EPHA5: variants seen among roughly 807,000 people sequenced by gnomAD.
EPHA5 encodes ephrin type-A receptor 5.
In EPHA5, 60 loss-of-function variants were observed where a neutral mutation model predicts 105.0. The observed-to-expected ratio is 0.57, with a 90% CI of 0.46 to 0.71. The LOEUF (loss-of-function observed/expected upper bound fraction) is 0.71. Ranked by LOEUF, EPHA5 falls within the 30% of genes least tolerant of loss-of-function variation. The pLI is 0.00. For missense variants in EPHA5, 1,218 were observed against 1,274.7 expected, an observed-to-expected ratio of 0.96 and a Z score of 0.68; for synonymous variants, 513 against 449.1, an observed-to-expected ratio of 1.14 and a Z score of -1.80.
intron 5 of EPHA5, among the ~76,000 whole-genome samples, chr4:65,463,566 T>C (rs1302794360): frequency 6.6e-6 from 1 of 152,114 alleles, no homozygotes; most frequent in East Asian, 1.9e-4. Context: ...TGAAGATCAC[T>C]AAATAGGGAT....
intron 1 of EPHA5, among the ~76,000 whole-genome samples, chr4:65,665,879 G>T (rs1749924735): frequency 6.6e-6 from 1 of 152,136 alleles, no homozygotes; most frequent in Admixed American, 6.5e-5. Flanking sequence ...TCAAATAGGG[G>T]TAATAGCTCT....
Position 65,594,181 on chromosome 4 carries a change from G to A in EPHA5, c.910+7460C>T, listed in dbSNP as rs192708498. On this transcript the variant is annotated intron_variant, in intron 3 of 16. Transcript: ENST00000613740. ...TTAAATATATAAAGCTTTTTGTGAG[G>A]TCTTTATAATTAAAATCTTCTCCTG... Among the ~76,000 whole-genome samples the A allele has an allele frequency of 2.5e-3, 383 of 152,042 alleles. 2 individuals carry two copies. Among genetic ancestry groups the A allele is most frequent in the African/African-American group, 8.8e-3 (366 of 41,486 alleles).
At chr4:65,431,671 A>G (rs192787744) in intron 5 of EPHA5, among the ~76,000 whole-genome samples, 1 of 152,302 alleles carries the variant, frequency 6.6e-6, no homozygotes, top group East Asian at 1.9e-4. Flanking sequence ...ATCGCAATCA[A>G]CAATTCCACG....
chr4:65,417,939 A>G (rs1442151014), intron 6 of EPHA5, among the ~76,000 whole-genome samples: 3 of 152,124 alleles, frequency 2.0e-5, no homozygotes, highest in Admixed American at 2.0e-4. Context: ...GTTATTCATA[A>G]GGGGAAAAAA....
intron 14 of EPHA5, among the ~76,000 whole-genome samples, chr4:65,345,435 T>A (rs1722120312): frequency 6.6e-6 from 1 of 152,218 alleles, no homozygotes; most frequent in Non-Finnish European, 1.5e-5. Flanking sequence ...TGGGGAAATT[T>A]GAAGAAGGCT....
intron 3 of EPHA5, among the ~76,000 whole-genome samples, chr4:65,591,604 A>ACT (rs1560743451): frequency 3.4e-5 from 5 of 145,680 alleles, no homozygotes; most frequent in African/African-American, 1.3e-4. Context: ...TTTTAATTTT[A>ACT]TTTTTTTTAA....
In EPHA5 at chr4:65,388,335, T is replaced by A. The variant is rs1720340499; in HGVS notation, c.1793+16039A>T. Among the ~76,000 whole-genome samples the A allele has an allele frequency of 2.6e-5, 4 of 152,024 alleles. No homozygotes were observed. In the South Asian group the frequency reaches 8.3e-4, roughly 32 times the overall value. On this transcript the variant is annotated intron_variant, in intron 8 of 16. Coordinates refer to ENST00000613740, the MANE Select transcript of EPHA5 (RefSeq NM_001281766.3). ...TATAATCCTTTGGGTATATACCCAG[T>A]AATGGGATGGCTGGGTCAAATGGTA...
At chr4:65,417,420 G>A (rs1444636700) in intron 6 of EPHA5, among the ~76,000 whole-genome samples, 1 of 152,038 alleles carries the variant, frequency 6.6e-6, no homozygotes, top group East Asian at 1.9e-4. Flanking sequence ...ATCTTTATAG[G>A]TATAATGTAG....
intron 2 of EPHA5, among the ~76,000 whole-genome samples, chr4:65,604,875 T>A (rs1744074776): frequency 6.6e-6 from 1 of 152,198 alleles, no homozygotes; most frequent in East Asian, 1.9e-4. Flanking sequence ...GAATCAATAT[T>A]TTCTGTTCAT....
chr4:65,562,631 G>T (rs563527289), intron 3 of EPHA5, among the ~76,000 whole-genome samples: 1 of 151,968 alleles, frequency 6.6e-6, no homozygotes, highest in African/African-American at 2.4e-5. Flanking sequence ...CAGAGAAGAC[G>T]CATACCAAGA....
At chr4:65,495,225 T>C (rs1731804121) in intron 4 of EPHA5, among the ~76,000 whole-genome samples, 163 bp downstream of exon 4, 1 of 152,180 alleles carries the variant, frequency 6.6e-6, no homozygotes, top group South Asian at 2.1e-4. Context: ...AATTTTTCAG[T>C]GCTTATTCAA....
At chr4:65,527,452 A>G (rs543745933) in intron 3 of EPHA5, among the ~76,000 whole-genome samples, 1 of 152,188 alleles carries the variant, frequency 6.6e-6, no homozygotes, top group Admixed American at 6.5e-5. Context: ...TGGAGTACAA[A>G]AAGTCATAAC....
chr4:65,408,220 G>C (rs1290028205), intron 7 of EPHA5, among the ~76,000 whole-genome samples: 2 of 152,000 alleles, frequency 1.3e-5, no homozygotes, highest in Non-Finnish European at 2.9e-5. Context: ...TTGTTGGTTT[G>C]TTTAGGAGTG....
chr4:65,418,862 C>CTTTTTTTTTTTTT lies in EPHA5; in HGVS notation c.1527+1566_1527+1578dup, dbSNP rs575608289. ...AACATTCAATACACTTACCTAAACT[C>CTTTTTTTTTTTTT]TTTTTTTTTTTTTTTTTTTTTTTTT... On this transcript the variant is annotated intron_variant, in intron 6 of 16. Coordinates refer to ENST00000613740, the MANE Select transcript of EPHA5 (RefSeq NM_001281766.3). 1.3e-3 allele frequency among the ~76,000 whole-genome samples: 60 copies of CTTTTTTTTTTTTT among 47,080 alleles called. 7 individuals carry two copies. The highest frequency in any genetic ancestry group is 2.3e-3 in the African/African-American group (21 of 9,092). The allele number at this position is 47,080 out of a possible 152,430, so 30.9% of individuals were successfully genotyped here. A position where few individuals can be genotyped will look rare whatever the true frequency, so the allele number is the denominator to read the frequency against.
At chr4:65,583,868 A>G (rs973141600) in intron 3 of EPHA5, among the ~76,000 whole-genome samples, 1 of 151,704 alleles carries the variant, frequency 6.6e-6, no homozygotes, top group African/African-American at 2.4e-5. Context: ...AGGTATATAT[A>G]TTCTTATTTG....
intron 2 of EPHA5, among the ~76,000 whole-genome samples, chr4:65,622,035 A>G (rs185144166): frequency 6.6e-6 from 1 of 152,274 alleles, no homozygotes; most frequent in Admixed American, 6.5e-5. Context: ...TTTAAGTAGT[A>G]TGATTAAAAC....
chr4:65,607,863 TTATAAAGAC>T (rs1744387359), intron 2 of EPHA5, among the ~76,000 whole-genome samples: 1 of 152,164 alleles, frequency 6.6e-6, no homozygotes, highest in East Asian at 1.9e-4. Context: ...AATCATTCTA[TTATAAAGAC>T]ACATGCACAT....
At position 65,537,243 on chromosome 4, in the gene EPHA5, T is replaced by C. The variant is rs149589512; in HGVS notation, c.911-41700A>G. On this transcript the variant is annotated intron_variant, in intron 3 of 16. Coordinates refer to ENST00000613740, the MANE Select transcript of EPHA5 (RefSeq NM_001281766.3). ...ACTGAGCTTGTCTTTACATCTAAAT[T>C]GGAACATTATTGTCTTACAGTCAAG... 2.5e-3 allele frequency among the ~76,000 whole-genome samples: 385 copies of C among 151,944 alleles called. 1 individual carries two copies. The highest frequency in any genetic ancestry group is 8.4e-3 in the African/African-American group (350 of 41,528).
intron 5 of EPHA5, among the ~76,000 whole-genome samples, chr4:65,468,149 G>A (rs1199227692): frequency 1.3e-5 from 2 of 152,070 alleles, no homozygotes; most frequent in Admixed American, 6.6e-5. Context: ...GGGAATAAAT[G>A]TAGTTACCTA....
Sources: allele counts gnomAD v4.1 joint callset (sites outside exome capture counted in the v4.1 genomes callset), GRCh38; gene constraint gnomAD v4.1.1; transcripts MANE v1.5; gene names NCBI Gene and HGNC (gene_info 2026-07-23, HGNC 2026-07-21).